The following LONP2 variants were observed in gnomAD, a reference collection of about 807,000 sequenced individuals.
LONP2 encodes lon protease homolog 2, peroxisomal.
Under a neutral mutation model 85.6 loss-of-function variants are expected in LONP2, and 60 were observed. The ratio of observed to expected loss-of-function variants is 0.70; its 90% CI spans 0.57 to 0.87. LONP2 has a LOEUF of 0.87. LONP2 is among the 40% of genes least tolerant of loss of function. LONP2 has a pLI of 0.00. For missense variants in LONP2, 860 were observed against 1,063.5 expected, an observed-to-expected ratio of 0.81 and a Z score of 2.66; for synonymous variants, 395 against 389.7, an observed-to-expected ratio of 1.01 and a Z score of -0.16.
chr16:48,350,046 GT>G (rs1466741632), intron 14 of LONP2, among the ~76,000 whole-genome samples: 6 of 152,146 alleles, frequency 3.9e-5, no homozygotes, highest in African/African-American at 1.2e-4. Flanking sequence ...AAGTCCAGGA[GT>G]TCAAGACCAG....
chr16:48,276,286 A>C (rs1241770494), intron 7 of LONP2, among the ~76,000 whole-genome samples: 1 of 152,054 alleles, frequency 6.6e-6, no homozygotes, highest in Non-Finnish European at 1.5e-5. Context: ...TTCAAAGTTC[A>C]CTCTGTTTAT....
intron 11 of LONP2, among the ~76,000 whole-genome samples, chr16:48,333,211 T>C (rs1257440163): frequency 6.6e-6 from 1 of 152,172 alleles, no homozygotes; most frequent in East Asian, 1.9e-4. Context: ...ATTACAAAGA[T>C]TGATACAGAA....
At chr16:48,252,832 G>A (rs1407560503) in intron 2 of LONP2, among the ~76,000 whole-genome samples, 3 of 152,124 alleles carry the variant, frequency 2.0e-5, no homozygotes, top group Non-Finnish European at 2.9e-5. Flanking sequence ...CTAGAATGCT[G>A]GGAAGGAAGC....
chr16:48,307,700 GA>G (rs947046444), intron 11 of LONP2, among the ~76,000 whole-genome samples: 7 of 151,658 alleles, frequency 4.6e-5, no homozygotes, highest in African/African-American at 1.5e-4. Context: ...AAATTGGTTA[GA>G]AAAAAAAGAC....
chr16:48,358,078 CA>C (rs970443802), downstream of LONP2, among the ~76,000 whole-genome samples: 1 of 152,164 alleles, frequency 6.6e-6, no homozygotes, highest in Non-Finnish European at 1.5e-5. Flanking sequence ...CCTCATAAAT[CA>C]AATGTGTAAT....
intron 11 of LONP2, among the ~76,000 whole-genome samples, chr16:48,318,565 T>C (rs1482092398): frequency 6.6e-6 from 1 of 152,166 alleles, no homozygotes; most frequent in African/African-American, 2.4e-5. Flanking sequence ...TATTTGAATT[T>C]TACAGCACTA....
At chr16:48,288,035 A>G (rs575757609) in intron 8 of LONP2, among the ~76,000 whole-genome samples, 2 of 152,310 alleles carry the variant, frequency 1.3e-5, no homozygotes, top group East Asian at 3.9e-4. Flanking sequence ...TACTTCATTC[A>G]AAGATTTGTG....
At chr16:48,349,082 C>CA (rs1463446199) in intron 14 of LONP2, among the ~76,000 whole-genome samples, 2 of 152,070 alleles carry the variant, frequency 1.3e-5, no homozygotes, top group African/African-American at 4.8e-5. Context: ...AGGTTCTATA[C>CA]ATGTGGGGTC....
chr16:48,274,705 A>T (rs1972171071), intron 7 of LONP2, among the ~76,000 whole-genome samples: 1 of 151,958 alleles, frequency 6.6e-6, no homozygotes, highest in East Asian at 1.9e-4. Context: ...CTTGGTAGAA[A>T]ATGTGAAAAA....
Position 48,305,285 on chromosome 16 carries a change from C to T in LONP2, c.1795+1980C>T, listed in dbSNP as rs201973863. Among the ~76,000 whole-genome samples the T allele has an allele frequency of 3.9e-5, 6 of 152,286 alleles. No individual in the cohort carries two copies. The East Asian group carries it at 1.2e-3, about 29-fold the overall frequency. ...TATTTTACTTTTTGAGATGGAGTCT[C>T]GCTCTGTCGTCCAGGCTGGACTGCG... On this transcript the variant is annotated intron_variant, in intron 11 of 14. Transcript: ENST00000285737.
chr16:48,334,790 G>T, intron 12 of LONP2: 1 of 553,422 alleles, frequency 1.8e-6, no homozygotes, highest in Non-Finnish European at 3.6e-6. Context: ...ATTCTCAGTG[G>T]CATCACTGGG....
rs777594765 is a variant in LONP2, at chr16:48,319,131, G to A, written c.1796-15085G>A. Among the ~76,000 whole-genome samples, 57 of 152,032 alleles carry A rather than the reference G, an allele frequency of 3.7e-4. 1 individual carries two copies. Among genetic ancestry groups the A allele is most frequent in the Non-Finnish European group, 7.2e-4 (49 of 68,018 alleles). On this transcript the variant is annotated intron_variant, in intron 11 of 14. Transcript: ENST00000285737. The stretch of plus-strand genomic sequence containing the variant: ...ATGGTGACTAATGCCTGTAATCCTG[G>A]CACTTTGGGAGGCCGAGGCAGGCAG...
At position 48,270,044 on chromosome 16, in the gene LONP2, T is replaced by G; in HGVS notation, c.1011T>G (p.Ile337Met). 5 of 1,613,946 alleles carry G rather than the reference T, an allele frequency of 3.1e-6. No homozygotes were observed. The highest frequency in any genetic ancestry group is 4.2e-6 in the Non-Finnish European group (5 of 1,179,910). ...GCCTGGACATTAGGGCAGCCCGGATTCTTCTGGATAATGACCATTACGCCA... is the reference window on the plus strand; with the variant it reads ...GCCTGGACATTAGGGCAGCCCGGATGCTTCTGGATAATGACCATTACGCCA... ...TDRLDIRAARILLDNDHYAME... is the reference protein window; with the variant it reads ...TDRLDIRAARMLLDNDHYAME... The change falls in exon 7 of 15, where the codon ATT becomes ATG. Residue 337 changes from isoleucine to methionine, a missense_variant. Transcript: ENST00000285737.
chr16:48,279,901 G>T (rs527320920), intron 8 of LONP2, among the ~76,000 whole-genome samples: 11 of 152,094 alleles, frequency 7.2e-5, no homozygotes, highest in Non-Finnish European at 1.3e-4. Flanking sequence ...GAACAGGATG[G>T]CCTGGGACAT....
chr16:48,292,369 T>G (rs1972573872), intron 8 of LONP2, among the ~76,000 whole-genome samples: 2 of 152,264 alleles, frequency 1.3e-5, no homozygotes, highest in African/African-American at 4.8e-5. Flanking sequence ...ATATGTAGCT[T>G]TTTTTGTCTT....
At chr16:48,263,629 G>A (rs1031211612) in intron 6 of LONP2, among the ~76,000 whole-genome samples, 5 of 152,018 alleles carry the variant, frequency 3.3e-5, no homozygotes, top group Admixed American at 1.3e-4. Context: ...AGTTATTTCC[G>A]TATCTTGGCT....
downstream of LONP2, among the ~76,000 whole-genome samples, chr16:48,360,341 A>G (rs74017931): frequency 0.012 from 1,862 of 152,356 alleles, 40 homozygotes; most frequent in African/African-American, 0.042. Flanking sequence ...AAATGTGGGC[A>G]AGAGGGGCAG....
intron 11 of LONP2, among the ~76,000 whole-genome samples, chr16:48,325,248 C>T (rs1028077652): frequency 4.6e-5 from 7 of 152,152 alleles, no homozygotes; most frequent in African/African-American, 9.7e-5. Flanking sequence ...GTGCTCAGGC[C>T]GTAATGCTTG....
chr16:48,260,014 C>T (rs57924625), intron 4 of LONP2, among the ~76,000 whole-genome samples: 2 of 152,072 alleles, frequency 1.3e-5, no homozygotes, highest in African/African-American at 2.4e-5. Context: ...TTTTGTTCCC[C>T]TAAGAGTTGA....
Sources: allele counts gnomAD v4.1 joint callset (sites outside exome capture counted in the v4.1 genomes callset), GRCh38; gene constraint gnomAD v4.1.1; transcripts MANE v1.5; gene names NCBI Gene and HGNC (gene_info 2026-07-23, HGNC 2026-07-21).